Variants in GRB10 observed in about 807,000 individuals in gnomAD.
GRB10 encodes growth factor receptor bound protein 10.
Under a neutral mutation model 80.9 loss-of-function variants are expected in GRB10, and 20 were observed. The observed-to-expected ratio is 0.25, with a 90% CI of 0.17 to 0.36. The LOEUF (loss-of-function observed/expected upper bound fraction) is 0.36, where lower values mean the gene tolerates loss of function less well. Among genes scored for constraint, GRB10 ranks in the 10% least tolerant of loss-of-function variants. The pLI is 1.00. For synonymous variants in GRB10, 291 were observed against 291.5 expected (o/e 1.00, Z 0.02); for missense variants, 548 against 747.7 (o/e 0.73, Z 3.12).
intron 4 of GRB10, among the ~76,000 whole-genome samples, chr7:50,722,450 G>GT (rs2067910558): frequency 6.6e-6 from 1 of 152,210 alleles, no homozygotes; most frequent in Admixed American, 6.5e-5. Flanking sequence ...TTGCAGCAAG[G>GT]TGGGAAATTC....
upstream of GRB10, among the ~76,000 whole-genome samples, chr7:50,787,280 G>GAGA (rs1248442439): frequency 6.6e-6 from 1 of 151,970 alleles, no homozygotes; most frequent in Non-Finnish European, 1.5e-5. Context: ...GGAGGAGGAG[G>GAGA]AGGAGGAGGA....
chr7:50,710,419 G>A (rs757637639), intron 4 of GRB10, among the ~76,000 whole-genome samples: 6 of 152,156 alleles, frequency 3.9e-5, no homozygotes, highest in South Asian at 2.1e-4. Context: ...AGTCATTGGC[G>A]TTCCGTTTCA....
intron 7 of GRB10, among the ~76,000 whole-genome samples, chr7:50,664,793 C>T (rs185050478): frequency 2.6e-4 from 40 of 152,304 alleles, no homozygotes; most frequent in African/African-American, 8.9e-4. Flanking sequence ...CAAGTCTTTG[C>T]TATATCAATC....
chr7:50,594,787 TG>T (rs1000858906), intron 18 of GRB10, among the ~76,000 whole-genome samples: 50 of 152,322 alleles, frequency 3.3e-4, no homozygotes, highest in African/African-American at 1.2e-3. Flanking sequence ...AAACATAAAG[TG>T]CTTTGTCAAA....
chr7:50,604,351 T>C lies in GRB10; in HGVS notation c.1416A>G (p.Leu472=). The C allele has an allele frequency of 3.1e-6, 5 of 1,613,556 alleles. No homozygotes were observed. The highest frequency in any genetic ancestry group is 4.2e-6 in the Non-Finnish European group (5 of 1,179,828). The change falls in exon 16 of 19, where the codon CTA becomes CTG. Residue 472 remains leucine, a synonymous_variant. Transcript: ENST00000401949. ...AAGGGTGGAGGGGACTTTGGCTACC[T>C]AGGATGTTCATCCGTGTGCTTCGCT... The part of the protein sequence containing the change: ...WRKRSTRMNI[L]GSQSPLHPST...
Position 50,606,667 on chromosome 7 carries a change from C to T in GRB10, c.1195-253G>A, listed in dbSNP as rs550004115. ...TACCTACTAGTGGCCTACTGTTGAC[C>T]AGAAGCCTTAATGATAACATAAACA... On this transcript the variant is annotated intron_variant, in intron 13 of 18. Transcript: ENST00000401949. 4 of 532,428 alleles carry T rather than the reference C, an allele frequency of 7.5e-6. No homozygotes were observed. In the African/African-American group the frequency reaches 7.6e-5, roughly 10 times the overall value. The allele number at this position is 532,428 out of a possible 1,614,324, so 33.0% of individuals were successfully genotyped here.
At chr7:50,627,029 G>T (rs927640462) in intron 7 of GRB10, 51 bp from the exon 8 acceptor site, 1 of 1,580,944 alleles carries the variant, frequency 6.3e-7, no homozygotes, top group Non-Finnish European at 8.7e-7. Context: ...GGGCTTTCAA[G>T]AAATAAAAAC....
chr7:50,617,113 A>T (rs146866604), intron 10 of GRB10, among the ~76,000 whole-genome samples: 1 of 152,208 alleles, frequency 6.6e-6, no homozygotes, highest in Non-Finnish European at 1.5e-5. Context: ...CAAGGCAATT[A>T]AAACAGAATC....
At chr7:50,644,827 G>C (rs951391319) in intron 7 of GRB10, among the ~76,000 whole-genome samples, 2 of 152,210 alleles carry the variant, frequency 1.3e-5, no homozygotes, top group Non-Finnish European at 2.9e-5. Flanking sequence ...GTGGGCAGAT[G>C]CTAGACAGAC....
intron 7 of GRB10, among the ~76,000 whole-genome samples, chr7:50,627,899 A>T (rs909302148): frequency 6.6e-6 from 1 of 152,210 alleles, no homozygotes; most frequent in African/African-American, 2.4e-5. Flanking sequence ...CCTGGGGGGC[A>T]GGCTGTCTCC....
Position 50,772,578 on chromosome 7 carries a change from G to C in GRB10, c.-217+8049C>G, listed in dbSNP as rs1356810833. Among the ~76,000 whole-genome samples the C allele has an allele frequency of 5.9e-5, 9 of 152,258 alleles. No homozygotes were observed. In the East Asian group the frequency reaches 1.7e-3, roughly 29 times the overall value. On this transcript the variant is annotated intron_variant, in intron 2 of 18. Coordinates refer to ENST00000401949, the MANE Select transcript of GRB10 (RefSeq NM_001350814.2). ...AACACAGTATTGGAAGCTCTAGCCAGAGCAATTAAGTAAGAAAAAGAAATG... is the reference window on the plus strand; with the variant it reads ...AACACAGTATTGGAAGCTCTAGCCACAGCAATTAAGTAAGAAAAAGAAATG...
At chr7:50,723,773 G>A (rs915928347) in intron 4 of GRB10, among the ~76,000 whole-genome samples, 1 of 152,226 alleles carries the variant, frequency 6.6e-6, no homozygotes, top group African/African-American at 2.4e-5. Context: ...TGCCTCCTGG[G>A]CTGGCTCACC....
At chr7:50,683,517 A>G (rs955053787) in intron 5 of GRB10, among the ~76,000 whole-genome samples, 1 of 152,140 alleles carries the variant, frequency 6.6e-6, no homozygotes, top group Non-Finnish European at 1.5e-5. Context: ...CGGGTGGATC[A>G]CCTGAGGTCA....
chr7:50,743,061 C>A (rs1587753704), intron 3 of GRB10, among the ~76,000 whole-genome samples: 2 of 152,138 alleles, frequency 1.3e-5, no homozygotes, highest in South Asian at 2.1e-4. Context: ...GGTTTTTTGG[C>A]ATATGCAAAT....
chr7:50,669,673 A>G (rs1318311069), intron 7 of GRB10, 49 bp downstream of exon 7: 2 of 1,576,160 alleles, frequency 1.3e-6, no homozygotes, highest in East Asian at 4.5e-5. Flanking sequence ...GCAGATCCCA[A>G]TAATCTGGCA....
chr7:50,765,947 T>C (rs937697826), intron 2 of GRB10, among the ~76,000 whole-genome samples: 6 of 152,222 alleles, frequency 3.9e-5, no homozygotes, highest in African/African-American at 1.4e-4. Flanking sequence ...CTTGAAACTA[T>C]GTTTATCTAT....
chr7:50,597,304 G>C (rs2046834033), intron 17 of GRB10, among the ~76,000 whole-genome samples: 1 of 152,214 alleles, frequency 6.6e-6, no homozygotes. Flanking sequence ...GGTTTGGCTT[G>C]GTCAGGCCAG....
At chr7:50,639,340 A>G (rs901461394) in intron 7 of GRB10, among the ~76,000 whole-genome samples, 1 of 152,198 alleles carries the variant, frequency 6.6e-6, no homozygotes, top group Non-Finnish European at 1.5e-5. Flanking sequence ...CTTTTTTCTA[A>G]AGGAGATAAA....
chr7:50,699,564 A>G (rs1045419213), intron 5 of GRB10, among the ~76,000 whole-genome samples: 1 of 152,146 alleles, frequency 6.6e-6, no homozygotes, highest in African/African-American at 2.4e-5. Flanking sequence ...TCACTGTTTT[A>G]TGATAGTAAA....
Sources: allele counts gnomAD v4.1 joint callset (sites outside exome capture counted in the v4.1 genomes callset), GRCh38; gene constraint gnomAD v4.1.1; transcripts MANE v1.5; gene names NCBI Gene and HGNC (gene_info 2026-07-23, HGNC 2026-07-21).